TNS3: variants seen among roughly 807,000 people sequenced by gnomAD.
TNS3 encodes tensin 3, also known as tensin-3.
TNS3 carries 45 observed loss-of-function variants against 140.9 expected under a neutral mutation model. That is an observed-to-expected ratio of 0.32 (90% CI 0.25 to 0.41). The LOEUF (loss-of-function observed/expected upper bound fraction) is 0.41, where lower values mean the gene tolerates loss of function less well. TNS3 is among the 10% of genes least tolerant of loss of function. TNS3 has a pLI of 1.00. For missense variants in TNS3, 1,716 were observed against 1,906.7 expected (o/e 0.90, Z 1.86); for synonymous variants, 815 against 788.4 (o/e 1.03, Z -0.56).
At chr7:47,356,124 C>A (rs919291946) in intron 17 of TNS3, among the ~76,000 whole-genome samples, 2 of 152,164 alleles carry the variant, frequency 1.3e-5, no homozygotes, top group Non-Finnish European at 2.9e-5. Flanking sequence ...AACCACCCTG[C>A]GGCACGTTCC....
chr7:47,455,971 A>C (rs1298039558), intron 4 of TNS3, among the ~76,000 whole-genome samples: 2 of 152,248 alleles, frequency 1.3e-5, no homozygotes. Context: ...CACAGGATGC[A>C]TGAGAAAGAG....
chr7:47,335,822 T>A (rs912516372), intron 20 of TNS3, among the ~76,000 whole-genome samples: 2 of 152,120 alleles, frequency 1.3e-5, no homozygotes, highest in African/African-American at 4.8e-5. Context: ...GTACAGGACA[T>A]GAAACTAGGG....
intron 3 of TNS3, among the ~76,000 whole-genome samples, chr7:47,485,448 C>T (rs958559398): frequency 1.3e-5 from 2 of 152,234 alleles, no homozygotes; most frequent in African/African-American, 4.8e-5. Context: ...GCTGGTGCCC[C>T]AGCTCCAGGC....
chr7:47,285,855 T>C (rs1785392621), intron 27 of TNS3, among the ~76,000 whole-genome samples: 1 of 152,152 alleles, frequency 6.6e-6, no homozygotes, highest in Non-Finnish European at 1.5e-5. Context: ...TCCCTCGGTG[T>C]AATACCAAGC....
At chr7:47,518,836 A>G (rs749285088) in intron 2 of TNS3, among the ~76,000 whole-genome samples, 3 of 152,242 alleles carry the variant, frequency 2.0e-5, no homozygotes, top group Non-Finnish European at 4.4e-5. Flanking sequence ...ACTGAAGCAC[A>G]GAGAGGCAGT....
intron 4 of TNS3, among the ~76,000 whole-genome samples, chr7:47,480,154 C>T (rs555709321): frequency 9.2e-5 from 14 of 152,240 alleles, no homozygotes; most frequent in Non-Finnish European, 1.9e-4. Flanking sequence ...GGCCACCAGG[C>T]TCACAATCCA....
At chr7:47,283,247 C>T (rs532238374) in intron 28 of TNS3, among the ~76,000 whole-genome samples, 3 of 152,122 alleles carry the variant, frequency 2.0e-5, no homozygotes, top group Non-Finnish European at 2.9e-5. Context: ...ACAGCTCAGG[C>T]GTAAGTCATT....
chr7:47,546,757 C>A lies in TNS3; in HGVS notation c.-264-17610G>T, dbSNP rs1799931116. ...TGACAGCCATCACTGTCCACCCAGG[C>A]TAGCAGGGAACAGACATGGGCTTGC... On this transcript the variant is annotated intron_variant, in intron 1 of 30. Coordinates refer to ENST00000311160, the MANE Select transcript of TNS3 (RefSeq NM_022748.12). Among the ~76,000 whole-genome samples, 2 of 152,214 alleles carry A rather than the reference C, an allele frequency of 1.3e-5. 1 individual carries two copies. The highest frequency in any genetic ancestry group is 4.1e-4 in the South Asian group (2 of 4,826).
intron 9 of TNS3, among the ~76,000 whole-genome samples, 166 bp downstream of exon 9, chr7:47,428,146 C>T (rs1045096010): frequency 4.6e-5 from 7 of 152,280 alleles, no homozygotes. Flanking sequence ...AAACGCTTAA[C>T]TGGAAACTGG....
chr7:47,393,397 G>C (rs115727923), intron 16 of TNS3, among the ~76,000 whole-genome samples: 1 of 152,158 alleles, frequency 6.6e-6, no homozygotes, highest in Admixed American at 6.5e-5. Context: ...GAAAGGCTCC[G>C]TGCTTGTCTG....
At chr7:47,315,215 C>A (rs1787326892) in intron 20 of TNS3, among the ~76,000 whole-genome samples, 1 of 152,326 alleles carries the variant, frequency 6.6e-6, no homozygotes, top group South Asian at 2.1e-4. Context: ...CCCTTTGCTG[C>A]TCAGACCCAG....
rs1793536404 is a variant in TNS3 at position 47,407,910 on chromosome 7, A to AGCTGAG, written c.723+3811_723+3816dup. 6.6e-6 allele frequency among the ~76,000 whole-genome samples: 1 copy of AGCTGAG among 152,156 alleles called. No individual in the cohort carries two copies. The highest frequency in any genetic ancestry group is 1.5e-5 in the Non-Finnish European group (1 of 68,026). The stretch of plus-strand genomic sequence containing the variant: ...GTGGGAGAATCACCTCTGTTGTTTA[A>AGCTGAG]GCTGAGACCAAAGGGTGAAGCCTGA... On this transcript the variant is annotated intron_variant, in intron 13 of 30. Transcript: ENST00000311160. This position sits in a 1 kb window ranked among gnomAD's most constrained non-coding sequence, Gnocchi z 4.1.
At chr7:47,530,109 A>G (rs1483120675) in intron 1 of TNS3, among the ~76,000 whole-genome samples, 1 of 152,254 alleles carries the variant, frequency 6.6e-6, no homozygotes. Context: ...AAGAAAGGTC[A>G]TAACAGCTTT....
At chr7:47,446,038 T>TA (rs1217245617) in intron 4 of TNS3, among the ~76,000 whole-genome samples, 1 of 135,700 alleles carries the variant, frequency 7.4e-6, no homozygotes, top group Non-Finnish European at 1.7e-5. Context: ...ATATAAGGTT[T>TA]AAAAAACTCT....
chr7:47,427,024 G>C (rs1267975918), intron 9 of TNS3, among the ~76,000 whole-genome samples: 3 of 151,372 alleles, frequency 2.0e-5, no homozygotes, highest in Admixed American at 1.3e-4. Context: ...TACTCAGGAG[G>C]CTGAGGCAGG....
chr7:47,386,309 A>G (rs1003234672), intron 16 of TNS3, among the ~76,000 whole-genome samples: 3 of 152,194 alleles, frequency 2.0e-5, no homozygotes, highest in African/African-American at 4.8e-5. Flanking sequence ...CGCACACAGG[A>G]CATTTGCTGG....
chr7:47,497,136 A>AT (rs1168846635), intron 3 of TNS3, among the ~76,000 whole-genome samples: 1 of 152,210 alleles, frequency 6.6e-6, no homozygotes, highest in African/African-American at 2.4e-5. Flanking sequence ...TCAGAAGAAA[A>AT]TTTAGAAAAT....
chr7:47,303,333 G>T lies in TNS3; in HGVS notation c.3074C>A (p.Ala1025Asp). ...SSQAFLGFGT[A>D]PVGSGLPPEE... ...GGGCGGAAGGCCACTTCCCACTGGG[G>T]CGGTGCCGAAGCCCAGGAAGGCCTG... The change falls in exon 22 of 31, where the codon GCC becomes GAC. Residue 1025 changes from alanine (A) to aspartate (D), a missense_variant. Around this residue, in one of 3 missense-constraint regions of TNS3, gnomAD observed 1,163 missense variants for 1,182.1 expected, o/e 0.98. Transcript: ENST00000311160. The T allele has an allele frequency of 6.2e-7, 1 of 1,613,550 alleles. No homozygotes were observed. Among genetic ancestry groups the T allele is most frequent in the African/African-American group, 1.3e-5 (1 of 75,060 alleles).
intron 16 of TNS3, among the ~76,000 whole-genome samples, chr7:47,393,336 C>T (rs375305143): frequency 9.1e-4 from 138 of 152,228 alleles, no homozygotes; most frequent in African/African-American, 3.2e-3. Context: ...CCCAGACACG[C>T]CAGACAGCAC....
Sources: allele counts gnomAD v4.1 joint callset (sites outside exome capture counted in the v4.1 genomes callset), GRCh38; gene constraint gnomAD v4.1.1; regional missense constraint gnomAD v4.1.1; non-coding constraint Gnocchi (gnomAD v3.1); transcripts MANE v1.5; gene names NCBI Gene and HGNC (gene_info 2026-07-23, HGNC 2026-07-21).